PKIB: variants seen among roughly 807,000 people sequenced by gnomAD.
The protein encoded by PKIB is cAMP-dependent protein kinase inhibitor beta.
Under a neutral mutation model 4.5 loss-of-function variants are expected in PKIB, and 2 were observed. The ratio of observed to expected loss-of-function variants is 0.44; its 90% CI spans 0.18 to 1.39. The LOEUF (loss-of-function observed/expected upper bound fraction) is 1.39, where lower values mean the gene tolerates loss of function less well. Among genes scored for constraint, PKIB ranks in the 40% most tolerant of loss-of-function variants. The pLI, the probability that PKIB is intolerant of heterozygous loss-of-function variation, is 0.27. For missense variants in PKIB, 94 were observed against 92.6 expected, an observed-to-expected ratio of 1.02 and a Z score of -0.06; for synonymous variants, 38 against 36.0, an observed-to-expected ratio of 1.06 and a Z score of -0.20.
rs371518586 is a variant in PKIB at position 122,666,695 on chromosome 6, G to A, written c.-75-8383G>A. 5.3e-5 allele frequency among the ~76,000 whole-genome samples: 8 copies of A among 151,982 alleles called. No individual in the cohort carries two copies. In the South Asian group the frequency reaches 8.3e-4, roughly 16 times the overall value. ...TGGTATTAATCTATAATGCTAAGAG[G>A]GTATCTTATAGAAACCATTTTGAAA... is the stretch of plus-strand genomic sequence containing the variant. On this transcript the variant is annotated intron_variant, in intron 2 of 4. Transcript: ENST00000368452.
rs534750127 is a variant in PKIB, at chr6:122,541,536, T to G, written c.-247-44385T>G. Among the ~76,000 whole-genome samples the G allele has an allele frequency of 5.0e-3, 763 of 152,182 alleles. 9 individuals are homozygous for G. The highest frequency in any genetic ancestry group is 0.017 in the African/African-American group (711 of 41,432). Reference sequence around the variant, plus strand: ...CCCACTCTCTTCTGTCTTGTAGAGTTTCTGCCGAGAGATCCGCTGTTAATC... The same window carrying G: ...CCCACTCTCTTCTGTCTTGTAGAGTGTCTGCCGAGAGATCCGCTGTTAATC... On this transcript the variant is annotated intron_variant, in intron 2 of 6. Coordinates refer to the PKIB transcript ENST00000392491.
intron 3 of PKIB, among the ~76,000 whole-genome samples, chr6:122,704,100 G>A (rs762419347): frequency 4.0e-5 from 6 of 151,786 alleles, no homozygotes; most frequent in Admixed American, 6.6e-5. Context: ...CACTATTGTC[G>A]GTTCCAGGCC....
chr6:122,473,123 T>C (rs775615679), intron 1 of PKIB, among the ~76,000 whole-genome samples: 1 of 152,050 alleles, frequency 6.6e-6, no homozygotes, highest in African/African-American at 2.4e-5. Flanking sequence ...AAAAAAAGAA[T>C]AGTGGAAATG....
intron 2 of PKIB, among the ~76,000 whole-genome samples, chr6:122,531,946 C>G (rs1381703313): frequency 1.3e-5 from 2 of 152,176 alleles, no homozygotes; most frequent in East Asian, 3.9e-4. Context: ...CTCTATGATG[C>G]AATGTTACTT....
intron 3 of PKIB, among the ~76,000 whole-genome samples, chr6:122,591,978 G>A (rs1430816): frequency 0.81 from 122,087 of 150,932 alleles, 49,779 homozygotes; most frequent in South Asian, 0.95. Flanking sequence ...GATTCAACAC[G>A]TGGTATTGAA....
chr6:122,662,439 C>T (rs1777045686), intron 2 of PKIB, among the ~76,000 whole-genome samples: 1 of 149,376 alleles, frequency 6.7e-6, no homozygotes, highest in Non-Finnish European at 1.5e-5. Context: ...TCTCAGCCTC[C>T]CAAGTAGCTG....
intron 1 of PKIB, among the ~76,000 whole-genome samples, chr6:122,618,867 TAA>T (rs1775098745): frequency 6.6e-6 from 1 of 152,132 alleles, no homozygotes; most frequent in African/African-American, 2.4e-5. Flanking sequence ...TGTTAATTTT[TAA>T]AGAGTTTTGA....
At chr6:122,596,800 A>G (rs1295238221) in intron 3 of PKIB, among the ~76,000 whole-genome samples, 2 of 152,214 alleles carry the variant, frequency 1.3e-5, no homozygotes, top group Non-Finnish European at 2.9e-5. Flanking sequence ...CTGTCGGGTC[A>G]TATGGCCCAA....
intron 2 of PKIB, 86 bp from the exon 3 acceptor site, chr6:122,674,992 T>C (rs1777614994): frequency 1.3e-5 from 2 of 152,508 alleles, no homozygotes; most frequent in Admixed American, 1.3e-4. Flanking sequence ...TAGCTAAATA[T>C]TTTAAAAAGC....
chr6:122,662,946 A>C (rs912621894), intron 2 of PKIB, among the ~76,000 whole-genome samples: 2 of 152,212 alleles, frequency 1.3e-5, no homozygotes, highest in Non-Finnish European at 2.9e-5. Flanking sequence ...TAGTGGCTCA[A>C]TTCCTTAGGT....
intron 2 of PKIB, among the ~76,000 whole-genome samples, chr6:122,575,361 A>C (rs1386747205): frequency 6.6e-6 from 1 of 152,164 alleles, no homozygotes; most frequent in African/African-American, 2.4e-5. Context: ...TAAATAACTA[A>C]AAGTAGAACT....
intron 3 of PKIB, among the ~76,000 whole-genome samples, chr6:122,689,905 A>G (rs999603935): frequency 2.0e-5 from 3 of 152,286 alleles, no homozygotes; most frequent in African/African-American, 7.2e-5. Context: ...CTCCAGCTCT[A>G]ATAATATTTG....
chr6:122,478,656 A>C (rs1554213159), intron 2 of PKIB: 1 of 152,210 alleles, frequency 6.6e-6, no homozygotes, highest in Non-Finnish European at 1.5e-5. Context: ...TCCTTTAAGA[A>C]GTAGCTTTCA....
intron 2 of PKIB, among the ~76,000 whole-genome samples, chr6:122,551,123 C>G (rs1297942566): frequency 6.6e-6 from 1 of 151,982 alleles, no homozygotes; most frequent in Non-Finnish European, 1.5e-5. Flanking sequence ...TTTTTCATCT[C>G]TCTTGTTAGC....
At chr6:122,629,928 C>T (rs11154100) in intron 1 of PKIB, among the ~76,000 whole-genome samples, 36,160 of 151,996 alleles carry the variant, frequency 0.24, 5,644 homozygotes, top group Non-Finnish European at 0.34. Flanking sequence ...ACCGTAAGGG[C>T]GTCAGATAAA....
intron 2 of PKIB, among the ~76,000 whole-genome samples, chr6:122,580,436 T>C (rs1773669643): frequency 6.6e-6 from 1 of 152,214 alleles, no homozygotes; most frequent in Non-Finnish European, 1.5e-5. Context: ...CCCATTAGTA[T>C]GTTATTCATT....
At chr6:122,572,176 C>T (rs1009354231) in intron 2 of PKIB, among the ~76,000 whole-genome samples, 1 of 151,770 alleles carries the variant, frequency 6.6e-6, no homozygotes. Context: ...GACTTTGAAA[C>T]AATACAATAA....
At chr6:122,515,490 G>A (rs1776719785) in intron 2 of PKIB, among the ~76,000 whole-genome samples, 1 of 152,120 alleles carries the variant, frequency 6.6e-6, no homozygotes, top group South Asian at 2.1e-4. Flanking sequence ...TAATACTTGA[G>A]AATAAAGGCA....
chr6:122,553,478 C>CTTTTTTTTTTTTTTTTTTT (rs1562249215), intron 2 of PKIB, among the ~76,000 whole-genome samples: 2 of 48,920 alleles, frequency 4.1e-5, no homozygotes, highest in African/African-American at 1.2e-4. Context: ...GCTCAAATAT[C>CTTTTTTTTTTTTTTTTTTT]TTCTTTTTTT....
Sources: allele counts gnomAD v4.1 joint callset (sites outside exome capture counted in the v4.1 genomes callset), GRCh38; gene constraint gnomAD v4.1.1; transcripts MANE v1.5; gene names NCBI Gene and HGNC (gene_info 2026-07-23, HGNC 2026-07-21).